Variants in TWSG1 observed in about 807,000 individuals in gnomAD.
TWSG1 encodes twisted gastrulation protein homolog 1.
A neutral mutation model predicts 23.0 loss-of-function variants in TWSG1; 15 were observed. The ratio of observed to expected loss-of-function variants is 0.65; its 90% confidence interval spans 0.44 to 1.00. The LOEUF is 1.00. Ranked by LOEUF, TWSG1 falls within the 50% of genes least tolerant of loss-of-function variation. TWSG1 has a pLI of 0.00. For missense variants in TWSG1, 242 were observed against 278.7 expected (o/e 0.87, Z 0.94); for synonymous variants, 86 against 92.8 (o/e 0.93, Z 0.42).
chr18:9,387,917 G>T (rs773557199), intron 3 of TWSG1: 2 of 152,018 alleles, frequency 1.3e-5, no homozygotes, highest in Non-Finnish European at 2.9e-5. Context: ...ATAATTTCTT[G>T]GTGAAATCTA....
intron 2 of TWSG1, among the ~76,000 whole-genome samples, chr18:9,342,392 A>G (rs569558118): frequency 7.2e-5 from 11 of 152,298 alleles, no homozygotes; most frequent in African/African-American, 1.9e-4. Flanking sequence ...TTGTAACTCT[A>G]TTTGAATCTT....
At chr18:9,384,300 G>T (rs931509171) in intron 3 of TWSG1, among the ~76,000 whole-genome samples, 12 of 152,178 alleles carry the variant, frequency 7.9e-5, no homozygotes. Flanking sequence ...TAGGGAAGAT[G>T]ACTGAGACAG....
rs201147374 is a variant in TWSG1 at position 9,369,132 on chromosome 18, T to C, written c.223+9061T>C. On this transcript the variant is annotated intron_variant, in intron 3 of 4. Coordinates refer to ENST00000262120, the MANE Select transcript of TWSG1 (RefSeq NM_020648.6). ...CAAAACAAACAAACAAACAAACAAA[T>C]AAATAAATAAAATAAAATAAAATAA... is the stretch of plus-strand genomic sequence containing the variant. Among the ~76,000 whole-genome samples, 218 of 80,736 alleles carry C rather than the reference T, an allele frequency of 2.7e-3. 1 individual carries two copies. The highest frequency in any genetic ancestry group is 9.5e-3 in the African/African-American group (203 of 21,410). 53.0% of individuals were successfully genotyped at this position (80,736 alleles called of 152,430 possible).
At chr18:9,336,197 G>A (rs1451856624) in intron 1 of TWSG1, among the ~76,000 whole-genome samples, 3 of 152,060 alleles carry the variant, frequency 2.0e-5, no homozygotes, top group South Asian at 2.1e-4. Flanking sequence ...ATCGAGACCA[G>A]CCTGGCCAAT....
intron 3 of TWSG1, among the ~76,000 whole-genome samples, chr18:9,361,429 G>A (rs906505909): frequency 5.9e-5 from 9 of 152,108 alleles, no homozygotes; most frequent in Non-Finnish European, 1.0e-4. Context: ...TAGAATTTAG[G>A]TACTCCAAAA....
chr18:9,343,900 T>C (rs1344501777), intron 2 of TWSG1, among the ~76,000 whole-genome samples: 4 of 152,194 alleles, frequency 2.6e-5, no homozygotes, highest in Admixed American at 2.6e-4. Context: ...TCTTTGTTTG[T>C]TTTTTAAGAG....
chr18:9,347,090 C>T (rs1372625145), intron 2 of TWSG1, among the ~76,000 whole-genome samples: 2 of 152,144 alleles, frequency 1.3e-5, no homozygotes, highest in Non-Finnish European at 2.9e-5. Context: ...TGATGGAGAG[C>T]GTCTTATACT....
intron 3 of TWSG1, among the ~76,000 whole-genome samples, chr18:9,382,985 A>G (rs111514876): frequency 8.1e-4 from 123 of 152,224 alleles, no homozygotes; most frequent in African/African-American, 2.9e-3. Context: ...CTTACATGCA[A>G]TGACTAAATA....
chr18:9,348,603 A>G (rs1339491296), intron 2 of TWSG1, among the ~76,000 whole-genome samples: 1 of 152,212 alleles, frequency 6.6e-6, no homozygotes, highest in Non-Finnish European at 1.5e-5. Context: ...TTAAAATTCC[A>G]CTTTCATGTT....
intron 2 of TWSG1, among the ~76,000 whole-genome samples, chr18:9,357,720 CCAAA>C (rs2040533403): frequency 6.6e-6 from 1 of 151,972 alleles, no homozygotes; most frequent in South Asian, 2.1e-4. Flanking sequence ...TATTGCTACC[CCAAA>C]CAAACAAATT....
At chr18:9,340,241 G>T (rs777144896) in intron 2 of TWSG1, among the ~76,000 whole-genome samples, 9 of 151,668 alleles carry the variant, frequency 5.9e-5, no homozygotes, top group Non-Finnish European at 1.0e-4. Context: ...GGTGATGGGC[G>T]CCTGTAGTCC....
intron 2 of TWSG1, among the ~76,000 whole-genome samples, chr18:9,353,164 T>C (rs1232985295): frequency 6.6e-6 from 1 of 152,102 alleles, no homozygotes; most frequent in Non-Finnish European, 1.5e-5. Flanking sequence ...GGCTCTACCA[T>C]GTAGGTTTGT....
intron 3 of TWSG1, among the ~76,000 whole-genome samples, chr18:9,394,772 A>G (rs1255368221): frequency 6.6e-6 from 1 of 152,150 alleles, no homozygotes; most frequent in South Asian, 2.1e-4. Flanking sequence ...ACATGCATGC[A>G]TGCACACACA....
intron 3 of TWSG1, among the ~76,000 whole-genome samples, chr18:9,393,525 C>T (rs748569714): frequency 6.6e-6 from 1 of 152,158 alleles, no homozygotes; most frequent in Non-Finnish European, 1.5e-5. Context: ...TCTCTCCTGC[C>T]ATTTTTCTCC....
At chr18:9,353,047 A>G (rs1265574687) in intron 2 of TWSG1, among the ~76,000 whole-genome samples, 2 of 152,136 alleles carry the variant, frequency 1.3e-5, no homozygotes, top group African/African-American at 4.8e-5. Flanking sequence ...ACATGCAAAT[A>G]TTTACCATTG....
intron 2 of TWSG1, among the ~76,000 whole-genome samples, chr18:9,342,004 A>G (rs1325961218): frequency 2.0e-5 from 3 of 152,020 alleles, no homozygotes; most frequent in Non-Finnish European, 4.4e-5. Flanking sequence ...GAAATTTTCT[A>G]CTTTTGGCAT....
At position 9,399,423 on chromosome 18, in the gene TWSG1, GC is replaced by G. The variant is rs770090620; in HGVS notation, c.569del (p.Ala190AspfsTer30). 4 of 1,613,938 alleles carry G rather than the reference GC, an allele frequency of 2.5e-6. No individual in the cohort carries two copies. In the East Asian group the frequency reaches 8.9e-5, roughly 36 times the overall value. On this transcript the variant is annotated frameshift_variant, in exon 5 of 5. Coordinates refer to ENST00000262120, the MANE Select transcript of TWSG1 (RefSeq NM_020648.6). LOFTEE classifies it high-confidence loss of function. ...TAAAATATCCTGTGAGTCCATGGGA[GC>G]ATCCAAATATCGCTGGTTTCATAAT... Reference protein sequence around the residue: ...QCKISCESMGASKYRWFHNAC... With the variant: ...QCKISCESMGXSKYRWFHNAC...
intron 3 of TWSG1, among the ~76,000 whole-genome samples, chr18:9,377,971 G>A (rs765998544): frequency 4.6e-5 from 7 of 152,172 alleles, no homozygotes; most frequent in Admixed American, 2.0e-4. Context: ...CACCCGCCTC[G>A]GCCTCCCAAA....
intron 3 of TWSG1, among the ~76,000 whole-genome samples, chr18:9,376,832 C>CA (rs59781624): frequency 0.3 from 30,212 of 100,602 alleles, 3,746 homozygotes; most frequent in East Asian, 0.34. Flanking sequence ...ACCCTGTCTC[C>CA]AAAAAAAAAA....
Sources: gnomAD v4.1 joint callset for allele counts (sites outside exome capture counted in the v4.1 genomes callset) on GRCh38, gnomAD v4.1.1 for gene constraint, MANE v1.5 for transcripts, NCBI Gene and HGNC (gene_info 2026-07-23, HGNC 2026-07-21) for gene names.